Variants in ABCB8 observed in about 807,000 individuals in gnomAD.
ABCB8 encodes ATP binding cassette subfamily B member 8.
ABCB8 carries 52 observed loss-of-function variants against 73.0 expected under a neutral mutation model. The ratio of observed to expected loss-of-function variants is 0.71; its 90% CI spans 0.57 to 0.90. ABCB8 has a LOEUF of 0.90. Among genes scored for constraint, ABCB8 ranks in the 40% least tolerant of loss-of-function variants. The pLI, the probability that ABCB8 is intolerant of heterozygous loss-of-function variation, is 0.00. For missense variants in ABCB8, 909 were observed against 974.6 expected (o/e 0.93, Z 0.90); for synonymous variants, 428 against 423.5 (o/e 1.01, Z -0.13).
intron 1 of ABCB8, 85 bp downstream of exon 1, chr7:151,028,695 C>A: frequency 6.4e-7 from 1 of 1,564,780 alleles, no homozygotes; most frequent in Non-Finnish European, 8.6e-7. Flanking sequence ...AGTCCACGAG[C>A]TTGCGCGAGG....
intron 1 of ABCB8, chr7:151,031,133 C>T: frequency 2.8e-6 from 2 of 717,800 alleles, no homozygotes; most frequent in Non-Finnish European, 4.7e-6. Context: ...TGTCCTGCAC[C>T]TCTAATGAGG....
chr7:151,036,155 A>G lies in ABCB8; in HGVS notation c.1096A>G (p.Asn366Asp). ...CATCGCCTTGTTCCAAGGGCTTTCC[A>G]ACATCGCCTTCAACTGTGAGTGAGC... Reference protein sequence around the residue: ...RGIALFQGLSNIAFNCMVLGT... With the variant: ...RGIALFQGLSDIAFNCMVLGT... Residue 366 changes from asparagine to aspartate, a missense_variant, in exon 8 of 16, where the codon AAC becomes GAC. Coordinates refer to ENST00000358849, the MANE Select transcript of ABCB8 (RefSeq NM_007188.5). The G allele has an allele frequency of 1.2e-6, 2 of 1,610,126 alleles. No individual in the cohort carries two copies. The highest frequency in any genetic ancestry group is 1.1e-5 in the South Asian group (1 of 90,986).
At chr7:151,045,126 CTGA>C in intron 15 of ABCB8, 80 bp from the exon 16 acceptor site, 4 of 1,422,704 alleles carry the variant, frequency 2.8e-6, no homozygotes, top group Non-Finnish European at 3.7e-6. Flanking sequence ...GGCCCAATGG[CTGA>C]TAGAGAGGCT....
intron 1 of ABCB8, among the ~76,000 whole-genome samples, chr7:151,030,855 G>A (rs1253071744): frequency 1.3e-5 from 2 of 152,140 alleles, no homozygotes; most frequent in African/African-American, 2.4e-5. Context: ...CAGGAGAATC[G>A]CTTGAACCTG....
chr7:151,044,776 T>A (rs939107577), intron 15 of ABCB8, among the ~76,000 whole-genome samples: 10 of 152,156 alleles, frequency 6.6e-5, no homozygotes, highest in African/African-American at 2.2e-4. Flanking sequence ...CAGAGTATGG[T>A]GCTGGGAGCA....
At chr7:151,033,970 C>A in intron 2 of ABCB8, 53 bp downstream of exon 2, 1 of 1,512,358 alleles carries the variant, frequency 6.6e-7, no homozygotes. Context: ...CCCAGAGCTG[C>A]AAAGGGATGG....
intron 8 of ABCB8, 149 bp downstream of exon 8, chr7:151,036,319 G>T: frequency 1.1e-6 from 1 of 933,956 alleles, no homozygotes; most frequent in East Asian, 2.6e-5. Flanking sequence ...AAGGGAGGGT[G>T]CCGATGTCCC....
At chr7:151,031,488 A>G in intron 1 of ABCB8, 2 of 617,678 alleles carry the variant, frequency 3.2e-6, no homozygotes, top group East Asian at 2.9e-5. Context: ...GTAAAGAGAA[A>G]AGCTCACACT....
chr7:151,028,483 T>C lies in ABCB8; in HGVS notation c.-33T>C, dbSNP rs1487668723. 12 of 1,597,808 alleles carry C rather than the reference T, an allele frequency of 7.5e-6. No homozygotes were observed. Among genetic ancestry groups the C allele is most frequent in the South Asian group, 2.3e-5 (2 of 88,520 alleles). Reference sequence around the variant, plus strand: ...CTCAGTGGGATGAGGGTGAAACTGCTATTGCCGGCGGCTCCTGTTTTACCG... The same window carrying C: ...CTCAGTGGGATGAGGGTGAAACTGCCATTGCCGGCGGCTCCTGTTTTACCG... On this transcript the variant is annotated 5_prime_UTR_variant, in exon 1 of 16. Transcript: ENST00000358849.
At chr7:151,036,455 C>A in intron 8 of ABCB8, 89 bp from the exon 9 acceptor site, 2 of 1,226,536 alleles carry the variant, frequency 1.6e-6, no homozygotes, top group African/African-American at 1.5e-5. Context: ...TGCGCCTCAC[C>A]TGACTCTCCC....
chr7:151,036,422 G>A (rs1442043177), intron 8 of ABCB8, 122 bp from the exon 9 acceptor site: 10 of 1,007,034 alleles, frequency 9.9e-6, no homozygotes, highest in South Asian at 5.5e-5. Context: ...TTCCGAGGAG[G>A]AAGCCAACGC....
chr7:151,032,577 C>CCAGCTGCT (rs1796192773), intron 1 of ABCB8, among the ~76,000 whole-genome samples: 1 of 151,934 alleles, frequency 6.6e-6, no homozygotes, highest in Non-Finnish European at 1.5e-5. Context: ...GCCTGTAGTC[C>CCAGCTGCT]CAGCTGCTCA....
In ABCB8 at chr7:151,034,439, G is replaced by A; in HGVS notation, c.564+11G>A. 1.9e-6 allele frequency: 3 copies of A among 1,613,862 alleles called. No homozygotes were observed. Among genetic ancestry groups the A allele is most frequent in the Non-Finnish European group, 2.5e-6 (3 of 1,179,986 alleles). Reference sequence around the variant, plus strand: ...CTCTATGGTGTCCAGGTACAGCCGGGAGTGGGGCTGGGGACCGCCGAGGAG... The same window carrying A: ...CTCTATGGTGTCCAGGTACAGCCGGAAGTGGGGCTGGGGACCGCCGAGGAG... On this transcript the variant is annotated intron_variant, in intron 3 of 15. Coordinates refer to ENST00000358849, the MANE Select transcript of ABCB8 (RefSeq NM_007188.5).
At position 151,033,613 on chromosome 7, in the gene ABCB8, A is replaced by G. The variant is rs999572088; in HGVS notation, c.104A>G (p.Asp35Gly). The change falls in exon 2 of 16, where the codon GAT (aspartate) becomes GGT (glycine). Residue 35 changes from aspartate (D) to glycine (G), a missense_variant. Asp to Gly is a moderately conservative substitution (Grantham distance 94, BLOSUM62 -1). Coordinates refer to ENST00000358849, the MANE Select transcript of ABCB8 (RefSeq NM_007188.5). ...CCTCTCTCTCCTTACAGGTACTCTG[A>G]TGGCTACCGCAGCTCCTCCCTCCTC... The part of the protein sequence containing the change: ...FQTFSAVRYS[D>G]GYRSSSLLRA... 1 of 1,572,462 alleles carries G rather than the reference A, an allele frequency of 6.4e-7. No individual in the cohort carries two copies. Among genetic ancestry groups the G allele is most frequent in the African/African-American group, 1.4e-5 (1 of 73,920 alleles).
intron 10 of ABCB8, 66 bp from the exon 11 acceptor site, chr7:151,040,432 C>T: frequency 1.3e-6 from 2 of 1,579,642 alleles, no homozygotes; most frequent in Non-Finnish European, 1.7e-6. Flanking sequence ...GCCATGGCCA[C>T]TCCCTGGAGA....
At position 151,040,882 on chromosome 7, in the gene ABCB8, C is replaced by A; in HGVS notation, c.1443C>A (p.Pro481=). 1 of 1,606,482 alleles carries A rather than the reference C, an allele frequency of 6.2e-7. No homozygotes were observed. Among genetic ancestry groups the A allele is most frequent in the South Asian group, 1.1e-5 (1 of 90,022 alleles). ...TGAAAGACTTCACCCTGACGCTGCC[C>A]CCTGGCAAGATCGTGGCCCTCGTGG... is the stretch of plus-strand genomic sequence containing the variant. ...EVLKDFTLTL[P]PGKIVALVGQ... Residue 481 remains proline, a synonymous_variant, in exon 12 of 16, where the codon CCC becomes CCA. Transcript: ENST00000358849.
intron 14 of ABCB8, among the ~76,000 whole-genome samples, chr7:151,043,528 A>G (rs1796526949): frequency 7.2e-6 from 1 of 139,572 alleles, no homozygotes; most frequent in Non-Finnish European, 1.5e-5. Context: ...GGTCAGAGAC[A>G]GGACTAGGGT....
chr7:151,041,540 G>A (rs1179423222), intron 13 of ABCB8, among the ~76,000 whole-genome samples: 2 of 152,240 alleles, frequency 1.3e-5, no homozygotes, highest in Non-Finnish European at 2.9e-5. Flanking sequence ...GAAGCCTATA[G>A]TGGAGGTGCT....
At chr7:151,031,146 A>G in intron 1 of ABCB8, 1 of 792,460 alleles carries the variant, frequency 1.3e-6, no homozygotes. Context: ...TAATGAGGGC[A>G]TGCATGTGCT....
Sources: gnomAD v4.1 joint callset for allele counts (sites outside exome capture counted in the v4.1 genomes callset) on GRCh38, gnomAD v4.1.1 for gene constraint, MANE v1.5 for transcripts, NCBI Gene and HGNC (gene_info 2026-07-23, HGNC 2026-07-21) for gene names.